The following JAK2 variants were observed in gnomAD, a reference collection of about 807,000 sequenced individuals.
JAK2 encodes tyrosine-protein kinase JAK2.
Under a neutral mutation model 139.3 loss-of-function variants are expected in JAK2, and 86 were observed. The ratio of observed to expected loss-of-function variants is 0.62; its 90% CI spans 0.52 to 0.74. The LOEUF is 0.74. Among genes scored for constraint, JAK2 ranks in the 30% least tolerant of loss-of-function variants. The probability of loss-of-function intolerance (pLI) is 0.00; values close to 1 mark genes in which losing one functional copy is unlikely to be tolerated. For synonymous variants in JAK2, 490 were observed against 437.7 expected, an observed-to-expected ratio of 1.12 and a Z score of -1.49; for missense variants, 1,421 against 1,360.3, an observed-to-expected ratio of 1.04 and a Z score of -0.70.
At chr9:4,988,161 C>T (rs144865173) in intron 2 of JAK2, among the ~76,000 whole-genome samples, 3 of 152,186 alleles carry the variant, frequency 2.0e-5, no homozygotes, top group Non-Finnish European at 2.9e-5. Context: ...TCCCACCCTT[C>T]CCCACTCCCT....
Position 5,090,565 on chromosome 9 carries a change from T to A in JAK2, c.2881T>A (p.Cys961Ser). Reference protein sequence around the residue: ...IKLLQYTSQICKGMEYLGTKR... With the variant: ...IKLLQYTSQISKGMEYLGTKR... ...ACTTCTGCAGTACACATCTCAGATA[T>A]GCAAGGTAACTAATATCCTGATTAT... Residue 961 changes from cysteine to serine, a missense_variant, in exon 21 of 25, where the codon TGC becomes AGC. Physicochemically the swap from Cys to Ser is moderately radical, Grantham distance 112. Transcript: ENST00000381652. The A allele has an allele frequency of 6.4e-7, 1 of 1,572,810 alleles. No individual in the cohort carries two copies. The highest frequency in any genetic ancestry group is 8.6e-7 in the Non-Finnish European group (1 of 1,161,332).
At chr9:4,994,909 A>G (rs768084519) in intron 2 of JAK2, among the ~76,000 whole-genome samples, 1 of 151,866 alleles carries the variant, frequency 6.6e-6, no homozygotes, top group East Asian at 1.9e-4. Flanking sequence ...TTAGAATTCA[A>G]AAAGTAGTAA....
At chr9:5,080,168 A>G (rs908626522) in intron 16 of JAK2, 61 bp from the exon 17 acceptor site, 12 of 1,241,972 alleles carry the variant, frequency 9.7e-6, no homozygotes, top group Middle Eastern at 3.9e-4. Flanking sequence ...AGCTATTTAC[A>G]TATAAAAGAT....
rs777286590 is a variant in JAK2, at chr9:5,116,063, T to TA, written c.3060-6941_3060-6940insA. ...CCCAAAACTTAAAGTATAATAAAAT[T>TA]TAAAAAAAAAACAGTGAACATTTAT... On this transcript the variant is annotated intron_variant, in intron 22 of 24. Transcript: ENST00000381652. 6.2e-3 allele frequency among the ~76,000 whole-genome samples: 928 copies of TA among 150,630 alleles called. 7 individuals carry two copies. The highest frequency in any genetic ancestry group is 7.1e-3 in the Non-Finnish European group (482 of 67,538).
chr9:5,025,354 A>G (rs1418353208), intron 3 of JAK2, among the ~76,000 whole-genome samples: 1 of 152,174 alleles, frequency 6.6e-6, no homozygotes, highest in Non-Finnish European at 1.5e-5. Flanking sequence ...CTGTGATAGT[A>G]TACTTAAGAT....
intron 10 of JAK2, 141 bp from the exon 11 acceptor site, chr9:5,068,881 A>G (rs1363971194): frequency 9.9e-6 from 5 of 505,170 alleles, no homozygotes; most frequent in African/African-American, 5.9e-5. Context: ...AAGTACTTCT[A>G]TCACTATACT....
At chr9:5,081,247 G>A (rs1017717391) in intron 18 of JAK2, among the ~76,000 whole-genome samples, 5 of 125,842 alleles carry the variant, frequency 4.0e-5, no homozygotes, top group Non-Finnish European at 8.0e-5. Flanking sequence ...TTAGTGAGTT[G>A]TAAATTATAG....
chr9:5,065,106 A>C (rs1818476529), intron 9 of JAK2, 66 bp downstream of exon 9: 1 of 1,083,212 alleles, frequency 9.2e-7, no homozygotes, highest in African/African-American at 1.6e-5. Context: ...AAGAAGATTT[A>C]ACAGAGTGAT....
At position 5,128,118 on chromosome 9, in the gene JAK2, G is replaced by A. The variant is rs1032506824; in HGVS notation, c.*1327G>A. The A allele has an allele frequency of 4.9e-6, 1 of 203,128 alleles. No individual in the cohort carries two copies. The highest frequency in any genetic ancestry group is 9.6e-6 in the Non-Finnish European group (1 of 104,220). 12.6% of individuals were successfully genotyped at this position (203,128 alleles called of 1,614,324 possible). A position where few individuals can be genotyped will look rare whatever the true frequency, so the allele number is the denominator to read the frequency against. On this transcript the variant is annotated 3_prime_UTR_variant, in exon 25 of 25. Transcript: ENST00000381652. The stretch of plus-strand genomic sequence containing the variant: ...TGTGTGTGTGTGTGTGTGTGTGTGT[G>A]TGTTATTTATACAAAACTTAAAATA...
At chr9:5,009,604 T>C (rs1308462658) in intron 2 of JAK2, among the ~76,000 whole-genome samples, 1 of 152,188 alleles carries the variant, frequency 6.6e-6, no homozygotes, top group East Asian at 1.9e-4. Flanking sequence ...TCAGTTGTTT[T>C]CTGGTCCATT....
At chr9:5,048,958 T>C (rs894635881) in intron 5 of JAK2, among the ~76,000 whole-genome samples, 2 of 152,182 alleles carry the variant, frequency 1.3e-5, no homozygotes, top group Admixed American at 6.5e-5. Context: ...GTACTTCTGC[T>C]TTCTTTTTCT....
At chr9:5,036,298 T>C (rs971217317) in intron 4 of JAK2, among the ~76,000 whole-genome samples, 51 of 152,358 alleles carry the variant, frequency 3.3e-4, no homozygotes, top group Non-Finnish European at 6.8e-4. Flanking sequence ...ATGGCCATAC[T>C]GCCCAAAGTC....
intron 2 of JAK2, among the ~76,000 whole-genome samples, chr9:4,993,788 A>G (rs1820399964): frequency 6.6e-6 from 1 of 152,196 alleles, no homozygotes; most frequent in Non-Finnish European, 1.5e-5. Context: ...CATAACGTTG[A>G]TAAGAAAAAA....
intron 2 of JAK2, among the ~76,000 whole-genome samples, chr9:5,014,265 G>C (rs1044339508): frequency 4.7e-5 from 7 of 149,236 alleles, no homozygotes; most frequent in Non-Finnish European, 1.0e-4. Flanking sequence ...TGGCTTCCCA[G>C]AGTGCAGGGA....
At chr9:5,123,432 T>G (rs1485960633) in intron 23 of JAK2, among the ~76,000 whole-genome samples, 1 of 151,962 alleles carries the variant, frequency 6.6e-6, no homozygotes, top group Non-Finnish European at 1.5e-5. Context: ...GCTGATTTGT[T>G]TCACTTAAGA....
chr9:5,069,930 T>C lies in JAK2; in HGVS notation c.1519T>C (p.Ser507Pro). The C allele has an allele frequency of 6.3e-7, 1 of 1,593,028 alleles. No homozygotes were observed. Among genetic ancestry groups the C allele is most frequent in the Non-Finnish European group, 8.6e-7 (1 of 1,165,850 alleles). Reference protein sequence around the residue: ...KCCPPKPKDKSNLLVFRTNGV... With the variant: ...KCCPPKPKDKPNLLVFRTNGV... ...TATGTATTTTATTTTTTCAGATAAA[T>C]CAAACCTTCTAGTCTTCAGAACGAA... is the stretch of plus-strand genomic sequence containing the variant. Residue 507 changes from serine to proline, a missense_variant, in exon 12 of 25, where the codon TCA (serine) becomes CCA (proline). Ser to Pro is a moderately conservative substitution (Grantham distance 74, BLOSUM62 -1). Transcript: ENST00000381652.
At chr9:5,090,591 T>G in intron 21 of JAK2, 21 bp downstream of exon 21, 1 of 1,551,984 alleles carries the variant, frequency 6.4e-7, no homozygotes, top group African/African-American at 1.4e-5. Context: ...TCCTGATTAT[T>G]TGCTGTAGAT....
chr9:4,986,851 T>C (rs1244234332), intron 2 of JAK2, among the ~76,000 whole-genome samples: 2 of 152,232 alleles, frequency 1.3e-5, no homozygotes, highest in Non-Finnish European at 2.9e-5. Context: ...ACAAAGTTTG[T>C]ATTAAGTACC....
chr9:5,090,431 C>G lies in JAK2; in HGVS notation c.2762-15C>G, dbSNP rs776309241. The stretch of plus-strand genomic sequence containing the variant: ...ATGGCAGAGTAAAACATTATTTCCA[C>G]CTTTATGTTAAAAGGTCGGCGTAAT... On this transcript the variant is annotated splice_polypyrimidine_tract_variant and intron_variant, in intron 20 of 24. Coordinates refer to ENST00000381652, the MANE Select transcript of JAK2 (RefSeq NM_004972.4). 6.6e-7 allele frequency: 1 copy of G among 1,513,276 alleles called. No homozygotes were observed. The highest frequency in any genetic ancestry group is 8.9e-7 in the Non-Finnish European group (1 of 1,122,796). The allele number at this position is 1,513,276 out of a possible 1,614,324, so 93.7% of individuals were successfully genotyped here.
Sources: allele counts gnomAD v4.1 joint callset (sites outside exome capture counted in the v4.1 genomes callset), GRCh38; gene constraint gnomAD v4.1.1; transcripts MANE v1.5; gene names NCBI Gene and HGNC (gene_info 2026-07-23, HGNC 2026-07-21).